Variants in MINDY3 observed in about 807,000 individuals in gnomAD.
The protein encoded by MINDY3 is MINDY lysine 48 deubiquitinase 3.
A neutral mutation model predicts 69.2 loss-of-function variants in MINDY3; 38 were observed. That is an observed-to-expected ratio of 0.55 (90% CI 0.42 to 0.72). The LOEUF (loss-of-function observed/expected upper bound fraction) is 0.72, where lower values mean the gene tolerates loss of function less well. MINDY3 is among the 30% of genes least tolerant of loss of function. MINDY3 has a pLI of 0.00. For missense variants in MINDY3, 522 were observed against 519.0 expected, an observed-to-expected ratio of 1.01 and a Z score of -0.06; for synonymous variants, 192 against 180.1, an observed-to-expected ratio of 1.07 and a Z score of -0.53.
At chr10:15,797,432 T>C (rs1837922610) in intron 10 of MINDY3, among the ~76,000 whole-genome samples, 7 of 152,168 alleles carry the variant, frequency 4.6e-5, no homozygotes, top group Admixed American at 3.3e-4. Context: ...AACATTATTT[T>C]GCTGATAATG....
intron 1 of MINDY3, among the ~76,000 whole-genome samples, chr10:15,851,376 T>G (rs114366440): frequency 0.021 from 3,127 of 152,186 alleles, 77 homozygotes; most frequent in African/African-American, 0.068. Flanking sequence ...ATTATCTGGC[T>G]CCTGCCTGCA....
chr10:15,822,274 C>T (rs1285218721), intron 8 of MINDY3, among the ~76,000 whole-genome samples: 3 of 152,042 alleles, frequency 2.0e-5, no homozygotes, highest in South Asian at 4.1e-4. Context: ...TGATCTCTGC[C>T]TTAGAAAGGC....
At chr10:15,807,424 C>T (rs1412944242) in intron 10 of MINDY3, among the ~76,000 whole-genome samples, 1 of 152,158 alleles carries the variant, frequency 6.6e-6, no homozygotes, top group African/African-American at 2.4e-5. Context: ...GTATTCTGGG[C>T]AGAGGATAAC....
At chr10:15,812,393 A>C (rs1176925562) in intron 10 of MINDY3, among the ~76,000 whole-genome samples, 1 of 152,170 alleles carries the variant, frequency 6.6e-6, no homozygotes, top group Non-Finnish European at 1.5e-5. Context: ...CCCATACAGA[A>C]GGTTAAATTC....
intron 9 of MINDY3, chr10:15,817,175 T>C (rs1788996563): frequency 2.9e-6 from 1 of 350,148 alleles, no homozygotes; most frequent in Non-Finnish European, 5.1e-6. Flanking sequence ...AGATAACTAT[T>C]TAGCCCTAAG....
At chr10:15,828,319 C>G (rs1046300651) in intron 8 of MINDY3, among the ~76,000 whole-genome samples, 1 of 152,254 alleles carries the variant, frequency 6.6e-6, no homozygotes, top group Admixed American at 6.5e-5. Flanking sequence ...CAATCAGTCA[C>G]CAAAGACCGG....
At position 15,818,249 on chromosome 10, in the gene MINDY3, C is replaced by T. The variant is rs958243070; in HGVS notation, c.802-1334G>A. 5.3e-5 allele frequency among the ~76,000 whole-genome samples: 8 copies of T among 151,370 alleles called. No homozygotes were observed. The East Asian group carries it at 1.4e-3, about 26-fold the overall frequency. ...ATTTCCATCACATCACATGGTGCCT[C>T]GTGTGGTGAAGAGATTAGATATTAA... On this transcript the variant is annotated intron_variant, in intron 9 of 14. Coordinates refer to ENST00000277632, the MANE Select transcript of MINDY3 (RefSeq NM_024948.4).
intron 9 of MINDY3, among the ~76,000 whole-genome samples, chr10:15,818,457 A>G (rs1016664485): frequency 6.6e-6 from 1 of 152,170 alleles, no homozygotes; most frequent in Non-Finnish European, 1.5e-5. Flanking sequence ...ACACTTCCTC[A>G]GAAAGTTAAA....
In MINDY3 at chr10:15,808,547, G is replaced by A. The variant is rs1163697025; in HGVS notation, c.882+8288C>T. On this transcript the variant is annotated intron_variant, in intron 10 of 14. Transcript: ENST00000277632. ...AGGAGTAATAAAAGCAGCTTGTGCT[G>A]TAGAAATAATTCTCCCTACATTCCC... is the stretch of plus-strand genomic sequence containing the variant. 2.6e-5 allele frequency among the ~76,000 whole-genome samples: 4 copies of A among 152,300 alleles called. No individual in the cohort carries two copies. The East Asian group carries it at 5.8e-4, about 22-fold the overall frequency.
intron 2 of MINDY3, among the ~76,000 whole-genome samples, chr10:15,846,022 C>A (rs1833818458): frequency 6.6e-6 from 1 of 151,146 alleles, no homozygotes; most frequent in African/African-American, 2.4e-5. Context: ...GAGGTTTCAC[C>A]ACATTGGCCA....
chr10:15,839,774 A>G (rs895363596), intron 4 of MINDY3, among the ~76,000 whole-genome samples: 3 of 151,546 alleles, frequency 2.0e-5, no homozygotes, highest in African/African-American at 4.8e-5. Flanking sequence ...TTCAGTTAAC[A>G]AAGTATTTCA....
rs186389805 is a variant in MINDY3, at chr10:15,836,151, A to T, written c.576+1053T>A. Among the ~76,000 whole-genome samples, 65 of 152,134 alleles carry T rather than the reference A, an allele frequency of 4.3e-4. 1 individual carries two copies. Among genetic ancestry groups the T allele is most frequent in the Middle Eastern group, 3.4e-3 (1 of 294 alleles). On this transcript the variant is annotated intron_variant, in intron 6 of 14. Transcript: ENST00000277632. ...AGTTGCCTCTCTGGTGTCTTATGCTACAGTAAGGCTCAACTACTTAGAGCT... is the reference window on the plus strand; with the variant it reads ...AGTTGCCTCTCTGGTGTCTTATGCTTCAGTAAGGCTCAACTACTTAGAGCT...
intron 1 of MINDY3, among the ~76,000 whole-genome samples, chr10:15,853,731 GCTA>G (rs1834479495): frequency 1.4e-5 from 2 of 144,884 alleles, no homozygotes; most frequent in Non-Finnish European, 3.1e-5. Flanking sequence ...AGCTGAACCA[GCTA>G]CTTTTTTTTT....
intron 10 of MINDY3, among the ~76,000 whole-genome samples, chr10:15,813,639 T>A (rs777452065): frequency 2.6e-5 from 4 of 152,286 alleles, no homozygotes; most frequent in Admixed American, 6.5e-5. Context: ...GCCAGGCACA[T>A]ACTATAATCC....
chr10:15,786,109 G>A (rs1836937169), intron 13 of MINDY3, among the ~76,000 whole-genome samples: 1 of 152,112 alleles, frequency 6.6e-6, no homozygotes, highest in Non-Finnish European at 1.5e-5. Flanking sequence ...AAGCCCAGTG[G>A]AAGACATGTC....
chr10:15,835,949 C>A (rs1266597847), intron 6 of MINDY3, among the ~76,000 whole-genome samples: 1 of 152,060 alleles, frequency 6.6e-6, no homozygotes, highest in East Asian at 1.9e-4. Flanking sequence ...TCCATCACAA[C>A]TCCTATCCCA....
intron 8 of MINDY3, among the ~76,000 whole-genome samples, chr10:15,826,675 T>C (rs557506537): frequency 1.3e-5 from 2 of 152,282 alleles, no homozygotes; most frequent in South Asian, 2.1e-4. Context: ...TCAAAGTATA[T>C]TATAAAACTA....
chr10:15,831,820 C>G (rs1436880049), intron 8 of MINDY3, among the ~76,000 whole-genome samples: 1 of 151,992 alleles, frequency 6.6e-6, no homozygotes, highest in African/African-American at 2.4e-5. Context: ...GGACTACAGG[C>G]ATGCATCACC....
intron 8 of MINDY3, among the ~76,000 whole-genome samples, chr10:15,827,112 G>A (rs556620831): frequency 9.7e-5 from 13 of 133,744 alleles, no homozygotes; most frequent in Admixed American, 4.1e-4. Flanking sequence ...GCGAGACCCC[G>A]TCTCTAAAAA....
Sources: gnomAD v4.1 joint callset for allele counts (sites outside exome capture counted in the v4.1 genomes callset) on GRCh38, gnomAD v4.1.1 for gene constraint, MANE v1.5 for transcripts, NCBI Gene and HGNC (gene_info 2026-07-23, HGNC 2026-07-21) for gene names.